Variants in PPARGC1B observed in about 807,000 individuals in gnomAD.
The protein encoded by PPARGC1B is peroxisome proliferator-activated receptor gamma coactivator 1-beta.
Under a neutral mutation model 101.6 loss-of-function variants are expected in PPARGC1B, and 34 were observed. That is an observed-to-expected ratio of 0.33 (90% CI 0.25 to 0.45). The LOEUF (loss-of-function observed/expected upper bound fraction) is 0.45. Among genes scored for constraint, PPARGC1B ranks in the 20% least tolerant of loss-of-function variants. PPARGC1B has a pLI of 1.00. For missense variants in PPARGC1B, 1,234 were observed against 1,317.6 expected (o/e 0.94, Z 0.98); for synonymous variants, 548 against 539.3 (o/e 1.02, Z -0.22).
intron 1 of PPARGC1B, among the ~76,000 whole-genome samples, chr5:149,817,079 T>G (rs528142238): frequency 6.6e-6 from 1 of 152,294 alleles, no homozygotes; most frequent in South Asian, 2.1e-4. Context: ...CAACGCCTTG[T>G]GCCTTGGGCT....
chr5:149,813,235 G>C (rs1165822906), intron 1 of PPARGC1B, among the ~76,000 whole-genome samples: 2 of 152,200 alleles, frequency 1.3e-5, no homozygotes, highest in Non-Finnish European at 2.9e-5. Flanking sequence ...ATTCCTGACA[G>C]CAGTTTAAGA....
At chr5:149,770,624 A>G (rs1756092606) in intron 1 of PPARGC1B, among the ~76,000 whole-genome samples, 1 of 151,914 alleles carries the variant, frequency 6.6e-6, no homozygotes, top group African/African-American at 2.4e-5. Context: ...AGGCAGGAGG[A>G]TTGCTTGAGG....
chr5:149,818,757 T>TATC, intron 1 of PPARGC1B: 1 of 450,432 alleles, frequency 2.2e-6, no homozygotes, highest in East Asian at 7.0e-5. Flanking sequence ...TCATTATTAT[T>TATC]ATCATTATTT....
intron 3 of PPARGC1B, 111 bp downstream of exon 3, chr5:149,826,996 T>A: frequency 1.2e-6 from 1 of 835,684 alleles, no homozygotes; most frequent in Non-Finnish European, 1.9e-6. Flanking sequence ...ACTCCGTGCA[T>A]CACTGGCAAT....
intron 1 of PPARGC1B, among the ~76,000 whole-genome samples, chr5:149,773,396 TC>T (rs1756222099): frequency 2.0e-5 from 3 of 152,234 alleles, no homozygotes; most frequent in Admixed American, 1.3e-4. Flanking sequence ...CAGCTGACCC[TC>T]CTCAGCCAGT....
At chr5:149,731,879 C>G (rs1398813257) in intron 1 of PPARGC1B, among the ~76,000 whole-genome samples, 1 of 152,090 alleles carries the variant, frequency 6.6e-6, no homozygotes, top group Non-Finnish European at 1.5e-5. Context: ...GGAGGCAGGC[C>G]GCCCCTGGCC....
intron 1 of PPARGC1B, among the ~76,000 whole-genome samples, chr5:149,750,914 G>T (rs893917458): frequency 6.6e-6 from 1 of 152,204 alleles, no homozygotes; most frequent in Non-Finnish European, 1.5e-5. Context: ...CCATAGCTGT[G>T]CTCTGAGCTT....
chr5:149,809,052 G>T (rs1232074773), intron 1 of PPARGC1B, among the ~76,000 whole-genome samples: 1 of 151,984 alleles, frequency 6.6e-6, no homozygotes, highest in East Asian at 1.9e-4. Context: ...AAGGCAGGAG[G>T]ACTGCTTGAG....
At chr5:149,821,300 C>T (rs1208180621) in intron 2 of PPARGC1B, among the ~76,000 whole-genome samples, 1 of 152,192 alleles carries the variant, frequency 6.6e-6, no homozygotes, top group East Asian at 1.9e-4. Context: ...CTCTCCCAGC[C>T]CTGTGTGCTC....
chr5:149,761,563 T>C (rs1368382929), intron 1 of PPARGC1B: 3 of 152,168 alleles, frequency 2.0e-5, no homozygotes, highest in African/African-American at 7.2e-5. Flanking sequence ...AGCCAAGATA[T>C]GGAAACAACC....
chr5:149,801,094 C>CTTGTA (rs1284728238), intron 1 of PPARGC1B, among the ~76,000 whole-genome samples: 1 of 152,226 alleles, frequency 6.6e-6, no homozygotes, highest in East Asian at 1.9e-4. Flanking sequence ...AGAGCAGGAC[C>CTTGTA]TTGTAGGACG....
chr5:149,847,667 A>C lies in PPARGC1B; in HGVS notation c.*109A>C, dbSNP rs1561643101. 3.8e-6 allele frequency: 3 copies of C among 785,188 alleles called. No homozygotes were observed. Among genetic ancestry groups the C allele is most frequent in the African/African-American group, 3.5e-5 (2 of 57,888 alleles). The allele number at this position is 785,188 out of a possible 1,614,324, so 48.6% of individuals were successfully genotyped here. ...TATGAGGAGAGCGAGCGAGCGTGAG[A>C]GAACACCCGTGAGAGAGACTTGAAA... On this transcript the variant is annotated 3_prime_UTR_variant, in exon 12 of 12. Coordinates refer to ENST00000309241, the MANE Select transcript of PPARGC1B (RefSeq NM_133263.4).
In PPARGC1B at chr5:149,751,810, C is replaced by T. The variant is rs143011510; in HGVS notation, c.78+21390C>T. Among the ~76,000 whole-genome samples the T allele has an allele frequency of 6.0e-4, 92 of 152,304 alleles. 1 individual carries two copies. In the East Asian group the frequency reaches 0.015, roughly 25 times the overall value. On this transcript the variant is annotated intron_variant, in intron 1 of 11. Coordinates refer to ENST00000309241, the MANE Select transcript of PPARGC1B (RefSeq NM_133263.4). ...AGGTAACATTGTAGGTTTCACTTCT[C>T]CCCAAGCTTCTCTCCTTGGGCACAC...
chr5:149,793,745 T>C (rs1757106298), intron 1 of PPARGC1B, among the ~76,000 whole-genome samples: 1 of 152,022 alleles, frequency 6.6e-6, no homozygotes, highest in South Asian at 2.1e-4. Context: ...AGCAGACTTG[T>C]AGGAGGAAGA....
intron 1 of PPARGC1B, among the ~76,000 whole-genome samples, chr5:149,753,009 G>A (rs1323826027): frequency 6.6e-6 from 1 of 152,092 alleles, no homozygotes; most frequent in East Asian, 1.9e-4. Context: ...GCATATATGT[G>A]GTCTAACTTG....
chr5:149,824,883 C>T (rs913977062), intron 2 of PPARGC1B, among the ~76,000 whole-genome samples: 3 of 152,210 alleles, frequency 2.0e-5, no homozygotes, highest in Admixed American at 6.5e-5. Flanking sequence ...ATTACAAACG[C>T]GTTTGTTCTC....
intron 1 of PPARGC1B, among the ~76,000 whole-genome samples, chr5:149,739,100 G>A (rs903490452): frequency 1.3e-5 from 2 of 152,226 alleles, no homozygotes; most frequent in African/African-American, 4.8e-5. Flanking sequence ...TTCTCTGAAA[G>A]AACTTTGTAT....
At chr5:149,776,735 A>G (rs1302339945) in intron 1 of PPARGC1B, among the ~76,000 whole-genome samples, 4 of 152,194 alleles carry the variant, frequency 2.6e-5, no homozygotes, top group African/African-American at 9.6e-5. Context: ...CTCAGCAGTT[A>G]GCCCCACATT....
intron 1 of PPARGC1B, chr5:149,772,152 C>A: frequency 6.2e-7 from 1 of 1,607,104 alleles, no homozygotes; most frequent in South Asian, 1.1e-5. Flanking sequence ...AGGTGTTGGG[C>A]CAGAGGTTGT....
Sources: allele counts gnomAD v4.1 joint callset (sites outside exome capture counted in the v4.1 genomes callset), GRCh38; gene constraint gnomAD v4.1.1; transcripts MANE v1.5; gene names NCBI Gene and HGNC (gene_info 2026-07-23, HGNC 2026-07-21).